Variants in SMIM35 observed in about 807,000 individuals in gnomAD.
The protein encoded by SMIM35 is small integral membrane protein 35.
At chr11:118,012,943 C>G (rs976577183) in intron 4 of SMIM35, among the ~76,000 whole-genome samples, 1 of 152,214 alleles carries the variant, frequency 6.6e-6, no homozygotes, top group Non-Finnish European at 1.5e-5. Context: ...CTTGCCCACA[C>G]TGGACTGCAC....
intron 1 of SMIM35, among the ~76,000 whole-genome samples, chr11:118,017,530 G>C (rs535374106): frequency 6.6e-6 from 1 of 152,208 alleles, no homozygotes; most frequent in African/African-American, 2.4e-5. Context: ...CATATTAGAG[G>C]GTGGTAAATG....
At chr11:118,041,928 G>A (rs1944007701) in intron 1 of SMIM35, among the ~76,000 whole-genome samples, 1 of 151,824 alleles carries the variant, frequency 6.6e-6, no homozygotes. Context: ...GCAGATGCCT[G>A]TAATCCTAGC....
intron 1 of SMIM35, among the ~76,000 whole-genome samples, chr11:118,026,689 G>A (rs2058276381): frequency 1.3e-5 from 2 of 152,290 alleles, no homozygotes; most frequent in South Asian, 4.1e-4. Flanking sequence ...GTCTTAGGCT[G>A]GGCGTGGTGG....
intron 1 of SMIM35, among the ~76,000 whole-genome samples, chr11:118,053,856 G>A (rs1003652502): frequency 6.6e-6 from 1 of 152,146 alleles, no homozygotes; most frequent in South Asian, 2.1e-4. Flanking sequence ...AGAGGAAAAA[G>A]AGGAGTTGGA....
At chr11:118,010,971 G>A (rs554435539) in intron 4 of SMIM35, among the ~76,000 whole-genome samples, 18 of 152,322 alleles carry the variant, frequency 1.2e-4, no homozygotes, top group South Asian at 2.1e-4. Context: ...CTCCCGAATC[G>A]TTTCTAAACA....
chr11:118,026,849 G>A (rs1411192606), intron 1 of SMIM35, among the ~76,000 whole-genome samples: 2 of 151,628 alleles, frequency 1.3e-5, no homozygotes, highest in Non-Finnish European at 2.9e-5. Flanking sequence ...TATAAGTCTC[G>A]GTAGCCAAGA....
At chr11:118,041,552 C>T (rs11216726) in intron 1 of SMIM35, among the ~76,000 whole-genome samples, 6,617 of 152,178 alleles carry the variant, frequency 0.043, 229 homozygotes, top group East Asian at 0.19. Context: ...CTCCTAAATA[C>T]GACCTATAAC....
chr11:118,071,483 C>T (rs575002803), intron 1 of SMIM35, among the ~76,000 whole-genome samples: 1 of 152,232 alleles, frequency 6.6e-6, no homozygotes, highest in East Asian at 1.9e-4. Context: ...CCTGTTGGCC[C>T]CTGTAAAAAA....
rs761119844 is a variant in SMIM35 at position 118,022,032 on chromosome 11, C to CTTTTT, written c.8-6228_8-6224dup. ...TATGCTAAACCATAAAACAATAAGT[C>CTTTTT]TTTTTTTTTTTTTTTTTTTTGAGAT... On this transcript the variant is annotated intron_variant, in intron 1 of 4. Coordinates refer to ENST00000689828, the MANE Select transcript of SMIM35 (RefSeq NM_001394165.1). Among the ~76,000 whole-genome samples, 278 of 120,642 alleles carry CTTTTT rather than the reference C, an allele frequency of 2.3e-3. 4 individuals carry two copies. Among genetic ancestry groups the CTTTTT allele is most frequent in the Admixed American group, 7.1e-3 (80 of 11,192 alleles). 79.1% of individuals were successfully genotyped at this position (120,642 alleles called of 152,430 possible).
At chr11:118,011,830 A>G (rs2058152244) in intron 4 of SMIM35, among the ~76,000 whole-genome samples, 1 of 152,154 alleles carries the variant, frequency 6.6e-6, no homozygotes, top group Non-Finnish European at 1.5e-5. Flanking sequence ...AGAGGCCTTC[A>G]AGGAAGGGAG....
At chr11:118,009,256 T>C (rs951003754) in intron 4 of SMIM35, among the ~76,000 whole-genome samples, 2 of 152,092 alleles carry the variant, frequency 1.3e-5, no homozygotes, top group South Asian at 2.1e-4. Flanking sequence ...GGGAGGAGTA[T>C]GTTCTTGGGG....
intron 1 of SMIM35, among the ~76,000 whole-genome samples, chr11:118,036,865 C>T (rs938272052): frequency 7.2e-5 from 11 of 152,206 alleles, no homozygotes; most frequent in Admixed American, 7.2e-4. Flanking sequence ...CCATTGCTGG[C>T]TCGAATGCTT....
intron 4 of SMIM35, among the ~76,000 whole-genome samples, chr11:118,010,157 C>T (rs2058142775): frequency 1.3e-5 from 2 of 152,226 alleles, no homozygotes; most frequent in Admixed American, 1.3e-4. Context: ...ACTGTGCAAA[C>T]AGTCTCTGCT....
chr11:118,034,265 G>A (rs77194006), intron 1 of SMIM35, among the ~76,000 whole-genome samples: 3 of 152,162 alleles, frequency 2.0e-5, no homozygotes, highest in African/African-American at 7.2e-5. Flanking sequence ...CAATAACAGT[G>A]AGACTCCATC....
At chr11:118,021,282 C>CT (rs1279711234) in intron 1 of SMIM35, among the ~76,000 whole-genome samples, 1 of 151,864 alleles carries the variant, frequency 6.6e-6, no homozygotes, top group Non-Finnish European at 1.5e-5. Flanking sequence ...ATTGTTTTTT[C>CT]TTTTTACTTA....
chr11:118,052,326 A>C (rs1430247135), intron 1 of SMIM35, among the ~76,000 whole-genome samples: 2 of 151,366 alleles, frequency 1.3e-5, no homozygotes, highest in Non-Finnish European at 2.9e-5. Flanking sequence ...AGTGAGAGGG[A>C]AGTGGGTGGT....
At chr11:118,085,204 G>A (rs1945449049) in intron 1 of SMIM35, among the ~76,000 whole-genome samples, 1 of 149,428 alleles carries the variant, frequency 6.7e-6, no homozygotes, top group Non-Finnish European at 1.5e-5. Context: ...TTCTACAGAT[G>A]GAGGAGTCAG....
rs866699922 is a variant in SMIM35, at chr11:118,077,239, G to C, written c.7+9512C>G. 2.2e-5 allele frequency: 35 copies of C among 1,573,422 alleles called. 1 individual carries two copies. In the African/African-American group the frequency reaches 2.7e-4, roughly 12 times the overall value. On this transcript the variant is annotated intron_variant, in intron 1 of 4. Coordinates refer to ENST00000689828, the MANE Select transcript of SMIM35 (RefSeq NM_001394165.1). ...AGGACCTGTGTGGGGAGGCCCTCCT[G>C]CTGCCTTGGGGTGACAATCTCAGCT...
intron 1 of SMIM35, among the ~76,000 whole-genome samples, chr11:118,022,677 AG>A (rs1365854956): frequency 1.3e-5 from 2 of 152,172 alleles, no homozygotes; most frequent in African/African-American, 4.8e-5. Flanking sequence ...CTATGTGCAG[AG>A]GGACCCCCTC....
Sources: gnomAD v4.1 joint callset for allele counts (sites outside exome capture counted in the v4.1 genomes callset) on GRCh38, gnomAD v4.1.1 for gene constraint, MANE v1.5 for transcripts, NCBI Gene and HGNC (gene_info 2026-07-23, HGNC 2026-07-21) for gene names.